YES1: variants seen among roughly 807,000 people sequenced by gnomAD.
The protein encoded by YES1 is tyrosine-protein kinase Yes.
Under a neutral mutation model 70.4 loss-of-function variants are expected in YES1, and 39 were observed. The ratio of observed to expected loss-of-function variants is 0.55; its 90% confidence interval spans 0.43 to 0.72. The LOEUF (loss-of-function observed/expected upper bound fraction) is 0.72, where lower values mean the gene tolerates loss of function less well. Ranked by LOEUF, YES1 falls within the 30% of genes least tolerant of loss-of-function variation. YES1 has a pLI of 0.00. For missense variants in YES1, 495 were observed against 644.8 expected, an observed-to-expected ratio of 0.77 and a Z score of 2.52; for synonymous variants, 198 against 218.6, an observed-to-expected ratio of 0.91 and a Z score of 0.83.
chr18:761,693 C>G (rs986868088), intron 1 of YES1, among the ~76,000 whole-genome samples: 1 of 152,166 alleles, frequency 6.6e-6, no homozygotes, highest in Non-Finnish European at 1.5e-5. Context: ...CACACATCTA[C>G]GCACTTATCT....
intron 11 of YES1, among the ~76,000 whole-genome samples, chr18:732,003 A>C (rs1040654847): frequency 3.3e-5 from 5 of 151,162 alleles, no homozygotes; most frequent in Non-Finnish European, 7.4e-5. Context: ...TTAATTTTGA[A>C]AGGGAAACAC....
At position 739,748 on chromosome 18, in the gene YES1, T is replaced by C; in HGVS notation, c.1124A>G (p.Asp375Gly). The C allele has an allele frequency of 6.2e-7, 1 of 1,612,566 alleles. No homozygotes were observed. The highest frequency in any genetic ancestry group is 8.5e-7 in the Non-Finnish European group (1 of 1,179,476). ...GKYLKLPQLV[D>G]MAAQIADGMA... The stretch of plus-strand genomic sequence containing the variant: ...ATATACAGATACCTGAGCAGCCATA[T>C]CAACCAGCTGTGGAAGCTTCAAATA... The change falls in exon 9 of 12, where the codon GAT (aspartate) becomes GGT (glycine). Residue 375 changes from aspartate (D) to glycine (G), a missense_variant. By Grantham distance (94) the Asp-to-Gly change is moderately conservative. Coordinates refer to ENST00000314574, the MANE Select transcript of YES1 (RefSeq NM_005433.4).
At chr18:788,310 T>C (rs73372131) in intron 1 of YES1, among the ~76,000 whole-genome samples, 2,708 of 152,268 alleles carry the variant, frequency 0.018, 90 homozygotes, top group African/African-American at 0.062. Context: ...TATAAAATGA[T>C]CATTTATATT....
At chr18:735,288 G>C (rs2080139913) in intron 10 of YES1, among the ~76,000 whole-genome samples, 1 of 151,910 alleles carries the variant, frequency 6.6e-6, no homozygotes, top group African/African-American at 2.4e-5. Context: ...AAAAAATGTG[G>C]CATATATACA....
In YES1 at chr18:796,465, A is replaced by T. The variant is rs1906548090; in HGVS notation, c.-9+15649T>A. Among the ~76,000 whole-genome samples, 4 of 152,154 alleles carry T rather than the reference A, an allele frequency of 2.6e-5. No homozygotes were observed. In the East Asian group the frequency reaches 7.7e-4, roughly 29 times the overall value. ...AATCAACAGCATCAAGCTATTTGGT[A>T]TTGGCATAGAAACAAACAATTAGGC... On this transcript the variant is annotated intron_variant, in intron 1 of 11. Coordinates refer to ENST00000314574, the MANE Select transcript of YES1 (RefSeq NM_005433.4).
chr18:726,648 G>T (rs912258144), intron 11 of YES1, among the ~76,000 whole-genome samples: 3 of 149,192 alleles, frequency 2.0e-5, no homozygotes, highest in Admixed American at 6.7e-5. Context: ...GGCATGGTGG[G>T]CACACACCTG....
In YES1 at chr18:787,080, C is replaced by CTTTT. The variant is rs71174290; in HGVS notation, c.-9+25030_-9+25033dup. Reference sequence around the variant, plus strand: ...TTTAAAAAACTGTGATACATACTGTCTTTTTTTTTTTTTTTTTTTTTTTTT... The same window carrying CTTTT: ...TTTAAAAAACTGTGATACATACTGTCTTTTTTTTTTTTTTTTTTTTTTTTTTTTT... On this transcript the variant is annotated intron_variant, in intron 1 of 11. Transcript: ENST00000314574. Among the ~76,000 whole-genome samples, 149 of 34,776 alleles carry CTTTT rather than the reference C, an allele frequency of 4.3e-3. 12 individuals are homozygous for CTTTT. The highest frequency in any genetic ancestry group is 5.8e-3 in the African/African-American group (51 of 8,806). 22.8% of individuals were successfully genotyped at this position (34,776 alleles called of 152,430 possible).
intron 2 of YES1, 30 bp downstream of exon 2, chr18:756,527 A>T: frequency 6.2e-7 from 1 of 1,611,592 alleles, no homozygotes; most frequent in Non-Finnish European, 8.5e-7. Context: ...GTTCTCAAAC[A>T]GACAACATAA....
intron 1 of YES1, among the ~76,000 whole-genome samples, chr18:757,609 T>G (rs1904360635): frequency 6.6e-6 from 1 of 151,274 alleles, no homozygotes; most frequent in Middle Eastern, 3.5e-3. Flanking sequence ...TCACTTGAGG[T>G]CAGGAGTTCA....
chr18:768,812 C>T (rs940479212), intron 1 of YES1, among the ~76,000 whole-genome samples: 4 of 152,086 alleles, frequency 2.6e-5, no homozygotes, highest in Non-Finnish European at 4.4e-5. Context: ...AAGAGATTCT[C>T]GTGCCTCAGC....
chr18:755,098 T>G (rs546583513), intron 2 of YES1, among the ~76,000 whole-genome samples: 1 of 152,210 alleles, frequency 6.6e-6, no homozygotes, highest in East Asian at 1.9e-4. Context: ...AAAAGTAAAC[T>G]TTTGCTAAAG....
chr18:734,187 G>A (rs540271890), intron 10 of YES1, among the ~76,000 whole-genome samples: 2 of 151,276 alleles, frequency 1.3e-5, no homozygotes, highest in East Asian at 3.9e-4. Context: ...GCTGAGGCAG[G>A]AGAATTGCTT....
At chr18:787,604 G>A (rs934013515) in intron 1 of YES1, among the ~76,000 whole-genome samples, 9 of 151,910 alleles carry the variant, frequency 5.9e-5, no homozygotes, top group South Asian at 2.1e-4. Flanking sequence ...CAGCTACTCC[G>A]GAGGCTAAGG....
At chr18:795,969 A>G (rs532243297) in intron 1 of YES1, among the ~76,000 whole-genome samples, 8 of 149,476 alleles carry the variant, frequency 5.4e-5, no homozygotes, top group Non-Finnish European at 1.2e-4. Flanking sequence ...TAAGTAAAAC[A>G]AAAGTTCAGA....
intron 11 of YES1, among the ~76,000 whole-genome samples, chr18:729,287 C>T (rs1164573718): frequency 2.0e-5 from 3 of 152,020 alleles, no homozygotes; most frequent in African/African-American, 4.8e-5. Context: ...GGGTGGCTCA[C>T]GCCTGTAATC....
intron 1 of YES1, among the ~76,000 whole-genome samples, chr18:765,437 CG>C (rs1427867385): frequency 1.5e-5 from 2 of 137,032 alleles, no homozygotes; most frequent in Non-Finnish European, 3.1e-5. Context: ...CTCGCTCTGT[CG>C]CCCAGGCTGG....
At chr18:797,085 G>A (rs184864821) in intron 1 of YES1, among the ~76,000 whole-genome samples, 30 of 152,152 alleles carry the variant, frequency 2.0e-4, no homozygotes, top group South Asian at 4.1e-4. Context: ...ATTATGCACA[G>A]ACATGGAAAA....
At chr18:752,134 G>C (rs1318286269) in intron 2 of YES1, among the ~76,000 whole-genome samples, 1 of 152,174 alleles carries the variant, frequency 6.6e-6, no homozygotes, top group African/African-American at 2.4e-5. Context: ...TTGAGACAAA[G>C]TCTCACTCTG....
chr18:727,702 CCT>C (rs2080037918), intron 11 of YES1, among the ~76,000 whole-genome samples: 1 of 152,138 alleles, frequency 6.6e-6, no homozygotes, highest in Non-Finnish European at 1.5e-5. Context: ...GAACGGTTTA[CCT>C]CTTATTCCCT....
Sources: allele counts gnomAD v4.1 joint callset (sites outside exome capture counted in the v4.1 genomes callset), GRCh38; gene constraint gnomAD v4.1.1; transcripts MANE v1.5; gene names NCBI Gene and HGNC (gene_info 2026-07-23, HGNC 2026-07-21).